The following NRG4 variants were observed in gnomAD, a reference collection of about 807,000 sequenced individuals.
NRG4 encodes the protein neuregulin 4, also known as pro-neuregulin-4, membrane-bound isoform.
Under a neutral mutation model 15.0 loss-of-function variants are expected in NRG4, and 10 were observed. That is an observed-to-expected ratio of 0.67 (90% CI 0.41 to 1.13). The LOEUF (loss-of-function observed/expected upper bound fraction) is 1.13. NRG4 is among the 50% of genes most tolerant of loss of function. The probability of loss-of-function intolerance (pLI) is 0.00; values close to 1 mark genes in which losing one functional copy is unlikely to be tolerated. For missense variants in NRG4, 139 were observed against 140.2 expected (o/e 0.99, Z 0.04); for synonymous variants, 41 against 50.1 (o/e 0.82, Z 0.77).
chr15:76,025,297 G>A (rs995207755), intron 5 of NRG4, among the ~76,000 whole-genome samples: 3 of 152,042 alleles, frequency 2.0e-5, no homozygotes, highest in African/African-American at 7.2e-5. Flanking sequence ...AAATTAGCTG[G>A]GCGTGGTGGC....
intron 3 of NRG4, among the ~76,000 whole-genome samples, chr15:75,988,728 G>A (rs971457179): frequency 1.3e-5 from 2 of 152,162 alleles, no homozygotes; most frequent in Admixed American, 6.5e-5. Flanking sequence ...ACATGGAGAA[G>A]TCAATTGGAA....
At chr15:76,027,100 G>T (rs2035337493) in intron 5 of NRG4, among the ~76,000 whole-genome samples, 1 of 151,958 alleles carries the variant, frequency 6.6e-6, no homozygotes, top group Non-Finnish European at 1.5e-5. Context: ...CAGCCTGAGG[G>T]ACAGAGCGGG....
intron 2 of NRG4, among the ~76,000 whole-genome samples, chr15:76,053,842 G>C (rs530078350): frequency 6.6e-6 from 1 of 151,092 alleles, no homozygotes; most frequent in African/African-American, 2.5e-5. Context: ...GTACTTGCTA[G>C]GTTTTAAAAT....
At chr15:75,939,348 C>T (rs576890154), downstream of NRG4, 7 of 152,006 alleles carry the variant, frequency 4.6e-5, no homozygotes, top group Non-Finnish European at 8.8e-5. Context: ...AAATGCAAAA[C>T]GTACTACTGC....
At chr15:75,961,695 A>G (rs961402573) in intron 4 of NRG4, 133 bp downstream of exon 4, 6 of 619,500 alleles carry the variant, frequency 9.7e-6, no homozygotes, top group Non-Finnish European at 1.6e-5. Context: ...AGTAACAAAA[A>G]CTGTATTAAA....
At chr15:75,964,926 A>T (rs532630816) in intron 3 of NRG4, among the ~76,000 whole-genome samples, 5 of 146,532 alleles carry the variant, frequency 3.4e-5, no homozygotes, top group South Asian at 4.2e-4. Flanking sequence ...TATTCCAAAT[A>T]AAAAAAAGAA....
At position 76,040,603 on chromosome 15, in the gene NRG4, T is replaced by A. The variant is rs1291489658; in HGVS notation, c.-104-4612A>T. ...CAACTGTTATCCTAAATAGAAAGAT[T>A]AAATGATGAACCAATCAAAAATAAT... On this transcript the variant is annotated intron_variant, in intron 4 of 8. Transcript: ENST00000563910. Among the ~76,000 whole-genome samples the A allele has an allele frequency of 1.3e-5, 2 of 152,176 alleles. 1 individual carries two copies. Among genetic ancestry groups the A allele is most frequent in the South Asian group, 4.1e-4 (2 of 4,828 alleles).
intron 5 of NRG4, among the ~76,000 whole-genome samples, chr15:76,030,006 C>T (rs1002669552): frequency 1.4e-4 from 21 of 152,064 alleles, no homozygotes; most frequent in African/African-American, 5.1e-4. Context: ...TGTCTGTAAT[C>T]CCAGCACTTT....
chr15:76,027,895 G>A (rs928675484), intron 5 of NRG4, among the ~76,000 whole-genome samples: 2 of 151,772 alleles, frequency 1.3e-5, no homozygotes, highest in African/African-American at 4.8e-5. Flanking sequence ...ACAAATACAT[G>A]GAAATTAAAC....
rs2032673490 is a variant in NRG4 at position 75,964,121 on chromosome 15, TC to T, written c.105-2148del. ...TTCTCTTCCAGCTCCAATTCCTGCT[TC>T]CCAAAAGGGAAATGGAATAAACACA... On this transcript the variant is annotated intron_variant, in intron 3 of 5. Coordinates refer to ENST00000394907, the MANE Select transcript of NRG4 (RefSeq NM_138573.4). 3.3e-5 allele frequency among the ~76,000 whole-genome samples: 5 copies of T among 152,060 alleles called. No homozygotes were observed. The South Asian group carries it at 1.0e-3, about 32-fold the overall frequency.
chr15:75,975,434 T>G (rs2033320525), intron 3 of NRG4, among the ~76,000 whole-genome samples: 1 of 152,252 alleles, frequency 6.6e-6, no homozygotes, highest in East Asian at 1.9e-4. Flanking sequence ...ATGCAGTTTC[T>G]TCATAGTGTC....
At chr15:75,949,860 C>A (rs138083310) in intron 5 of NRG4, among the ~76,000 whole-genome samples, 8 of 152,330 alleles carry the variant, frequency 5.3e-5, no homozygotes, top group Admixed American at 5.2e-4. Flanking sequence ...ATTGCCTTGG[C>A]AGCTTTGTCA....
intron 5 of NRG4, 22 bp from the exon 6 acceptor site, chr15:75,943,676 T>G: frequency 6.7e-7 from 1 of 1,503,278 alleles, no homozygotes; most frequent in South Asian, 1.1e-5. Flanking sequence ...AAGTAAGAAT[T>G]AAGATGCTTT....
At chr15:75,997,623 T>C (rs970317017) in intron 3 of NRG4, among the ~76,000 whole-genome samples, 1 of 152,170 alleles carries the variant, frequency 6.6e-6, no homozygotes, top group South Asian at 2.1e-4. Flanking sequence ...ACAAAGTTAA[T>C]ACTAGCTGCC....
At chr15:76,039,380 G>A (rs2035675402) in intron 4 of NRG4, among the ~76,000 whole-genome samples, 1 of 152,060 alleles carries the variant, frequency 6.6e-6, no homozygotes, top group African/African-American at 2.4e-5. Context: ...ACACAGAGAA[G>A]GAATGCAGAA....
rs1192444891 is a variant in NRG4 at position 75,942,840 on chromosome 15, T to C, written c.*798A>G. Reference sequence around the variant, plus strand: ...TTTTTTTTCCCCCATGTAACTTAGGTAGAAAAAACTGGAGAAACTAAATTG... The same window carrying C: ...TTTTTTTTCCCCCATGTAACTTAGGCAGAAAAAACTGGAGAAACTAAATTG... On this transcript the variant is annotated 3_prime_UTR_variant, in exon 6 of 6. Coordinates refer to ENST00000394907, the MANE Select transcript of NRG4 (RefSeq NM_138573.4). 1 of 152,146 alleles carries C rather than the reference T, an allele frequency of 6.6e-6. No individual in the cohort carries two copies. The highest frequency in any genetic ancestry group is 2.4e-5 in the African/African-American group (1 of 41,424). The allele number at this position is 152,146 out of a possible 1,614,324, so 9.4% of individuals were successfully genotyped here.
chr15:75,985,420 T>C (rs2033764214), intron 3 of NRG4, among the ~76,000 whole-genome samples: 1 of 152,178 alleles, frequency 6.6e-6, no homozygotes, highest in Admixed American at 6.5e-5. Context: ...TGAAGTGTTA[T>C]CTACTAGGGA....
In NRG4 at chr15:76,023,176, AC is replaced by A. The variant is rs1567116201; in HGVS notation, c.-56-11891del. On this transcript the variant is annotated intron_variant, in intron 5 of 8. Transcript: ENST00000563910. ...CACACACACACACACACACACACAC[AC>A]ACACACAAGCAAGGACCAAGGCAAT... Among the ~76,000 whole-genome samples, 495 of 141,506 alleles carry A rather than the reference AC, an allele frequency of 3.5e-3. 3 individuals carry two copies. Among genetic ancestry groups the A allele is most frequent in the Middle Eastern group, 0.011 (3 of 278 alleles). 92.8% of individuals were successfully genotyped at this position (141,506 alleles called of 152,430 possible).
chr15:75,940,749 A>G (rs1359466272), downstream of NRG4: 2 of 146,586 alleles, frequency 1.4e-5, no homozygotes, highest in African/African-American at 5.0e-5. Context: ...AGTTTTTTCA[A>G]CAAATAATGA....
Sources: allele counts gnomAD v4.1 joint callset (sites outside exome capture counted in the v4.1 genomes callset), GRCh38; gene constraint gnomAD v4.1.1; transcripts MANE v1.5; gene names NCBI Gene and HGNC (gene_info 2026-07-23, HGNC 2026-07-21).